ZEB1: variants seen among roughly 807,000 people sequenced by gnomAD.
ZEB1 encodes zinc finger E-box binding homeobox 1, also known as zinc finger E-box-binding homeobox 1.
A neutral mutation model predicts 84.9 loss-of-function variants in ZEB1; 21 were observed. That is an observed-to-expected ratio of 0.25 (90% CI 0.18 to 0.36). The LOEUF (loss-of-function observed/expected upper bound fraction) is 0.36, where lower values mean the gene tolerates loss of function less well. Ranked by LOEUF, ZEB1 falls within the 10% of genes least tolerant of loss-of-function variation. ZEB1 has a pLI of 1.00. For synonymous variants in ZEB1, 420 were observed against 471.1 expected (o/e 0.89, Z 1.41); for missense variants, 1,104 against 1,330.2 (o/e 0.83, Z 2.65).
intron 1 of ZEB1, chr10:31,321,045 C>G (rs1394512058): frequency 1.4e-6 from 1 of 698,092 alleles, no homozygotes; most frequent in Non-Finnish European, 1.8e-6. Flanking sequence ...TATAATGGGA[C>G]CGCTGCAGCG....
chr10:31,516,847 C>T (rs1271742485), intron 6 of ZEB1, among the ~76,000 whole-genome samples: 1 of 152,012 alleles, frequency 6.6e-6, no homozygotes, highest in Non-Finnish European at 1.5e-5. Flanking sequence ...ACACAGCTCT[C>T]TGATGGTCTG....
rs534014107 is a variant in ZEB1 at position 31,496,185 on chromosome 10, C to T, written c.322+347C>T. On this transcript the variant is annotated intron_variant, in intron 3 of 8. Transcript: ENST00000424869. Reference sequence around the variant, plus strand: ...AAATGCAGATCTAACTTTTGAGTTTCGTTATTAGTTACCTGGGTCTGCTTT... The same window carrying T: ...AAATGCAGATCTAACTTTTGAGTTTTGTTATTAGTTACCTGGGTCTGCTTT... 3.3e-5 allele frequency among the ~76,000 whole-genome samples: 5 copies of T among 151,982 alleles called. No homozygotes were observed. In the South Asian group the frequency reaches 6.2e-4, roughly 19 times the overall value.
rs114895469 is a variant in ZEB1 at position 31,390,973 on chromosome 10, G to A, written c.59-70064G>A. Among the ~76,000 whole-genome samples, 989 of 152,180 alleles carry A rather than the reference G, an allele frequency of 6.5e-3. 17 individuals are homozygous for A. The highest frequency in any genetic ancestry group is 0.023 in the African/African-American group (946 of 41,524). On this transcript the variant is annotated intron_variant, in intron 1 of 8. Coordinates refer to ENST00000424869, the MANE Select transcript of ZEB1 (RefSeq NM_001174096.2). Reference sequence around the variant, plus strand: ...TGCTATAGAAGAGACTGTTTGTCTCGAAAGACAGTCATTGCACCACCTCTC... The same window carrying A: ...TGCTATAGAAGAGACTGTTTGTCTCAAAAGACAGTCATTGCACCACCTCTC...
At chr10:31,342,345 G>A (rs2039536084) in intron 1 of ZEB1, among the ~76,000 whole-genome samples, 1 of 152,144 alleles carries the variant, frequency 6.6e-6, no homozygotes, top group Non-Finnish European at 1.5e-5. Context: ...GGAGCTGATG[G>A]AAAATAGAGA....
In ZEB1 at chr10:31,477,642, G is replaced by A. The variant is rs965397236; in HGVS notation, c.259+16405G>A. 3.3e-5 allele frequency among the ~76,000 whole-genome samples: 5 copies of A among 151,690 alleles called. No homozygotes were observed. The South Asian group carries it at 8.3e-4, about 25-fold the overall frequency. On this transcript the variant is annotated intron_variant, in intron 2 of 8. Transcript: ENST00000424869. Reference sequence around the variant, plus strand: ...GGCTGAACAGCATGTTACTGATATCGTGATACCATGATAAAGATGGACACA... The same window carrying A: ...GGCTGAACAGCATGTTACTGATATCATGATACCATGATAAAGATGGACACA...
At position 31,512,682 on chromosome 10, in the gene ZEB1, G is replaced by A. The variant is rs180884462; in HGVS notation, c.687+1807G>A. Among the ~76,000 whole-genome samples, 4 of 152,126 alleles carry A rather than the reference G, an allele frequency of 2.6e-5. No homozygotes were observed. In the East Asian group the frequency reaches 7.7e-4, roughly 29 times the overall value. The stretch of plus-strand genomic sequence containing the variant: ...TCAAAAAGGAAGTCCCTGATATTAG[G>A]GACCATACATTAGTAGATTATATAA... On this transcript the variant is annotated intron_variant, in intron 5 of 8. Transcript: ENST00000424869.
intron 2 of ZEB1, among the ~76,000 whole-genome samples, chr10:31,471,968 A>G (rs1478102577): frequency 7.3e-6 from 1 of 136,388 alleles, no homozygotes; most frequent in Non-Finnish European, 1.5e-5. Context: ...ACTACTGGGT[A>G]CCTAACGAAA....
chr10:31,323,658 T>C (rs1464934204), intron 1 of ZEB1, among the ~76,000 whole-genome samples: 1 of 152,108 alleles, frequency 6.6e-6, no homozygotes, highest in East Asian at 1.9e-4. Context: ...TGTATGCTTG[T>C]ATTTAAATAA....
At chr10:31,348,875 A>G (rs866806397) in intron 1 of ZEB1, among the ~76,000 whole-genome samples, 1 of 152,206 alleles carries the variant, frequency 6.6e-6, no homozygotes, top group Non-Finnish European at 1.5e-5. Flanking sequence ...ATATGTACAC[A>G]TTGTGGAATG....
In ZEB1 at chr10:31,521,897, A is replaced by G. The variant is rs755654045; in HGVS notation, c.2565A>G (p.Gln855=). 6.2e-7 allele frequency: 1 copy of G among 1,614,106 alleles called. No individual in the cohort carries two copies. Among genetic ancestry groups the G allele is most frequent in the Non-Finnish European group, 8.5e-7 (1 of 1,179,986 alleles). The change falls in exon 7 of 9, where the codon CAA becomes CAG. Residue 855 remains glutamine (Q), a synonymous_variant. Coordinates refer to ENST00000424869, the MANE Select transcript of ZEB1 (RefSeq NM_001174096.2). ...CAACTACGGTCAGCCCTGCAGTCCA[A>G]GAACCACCCTTGAAAGTGATCCAGC... ...TYSTTVSPAV[Q]EPPLKVIQPN... is the part of the protein sequence containing the mutation.
chr10:31,372,567 G>A (rs1395803682), intron 1 of ZEB1, among the ~76,000 whole-genome samples: 1 of 152,002 alleles, frequency 6.6e-6, no homozygotes, highest in African/African-American at 2.4e-5. Context: ...ATCATGATCA[G>A]GCAGGATTAC....
chr10:31,331,971 T>C (rs1362333219), intron 1 of ZEB1, among the ~76,000 whole-genome samples: 2 of 152,228 alleles, frequency 1.3e-5, no homozygotes, highest in African/African-American at 4.8e-5. Flanking sequence ...ATTACATTTA[T>C]ATACAGTAAT....
chr10:31,454,489 G>T (rs930046520), intron 1 of ZEB1, among the ~76,000 whole-genome samples: 5 of 152,168 alleles, frequency 3.3e-5, no homozygotes, highest in African/African-American at 4.8e-5. Flanking sequence ...GTCTCTGTTT[G>T]CAGATGACAT....
intron 1 of ZEB1, among the ~76,000 whole-genome samples, chr10:31,449,118 C>T (rs578172876): frequency 2.0e-4 from 30 of 152,322 alleles, no homozygotes; most frequent in African/African-American, 6.3e-4. Context: ...TCTCATGGTG[C>T]GCCATTTTTT....
At chr10:31,333,367 T>C (rs1287894011) in intron 1 of ZEB1, among the ~76,000 whole-genome samples, 1 of 151,994 alleles carries the variant, frequency 6.6e-6, no homozygotes, top group Non-Finnish European at 1.5e-5. Flanking sequence ...TTCTCACAGA[T>C]AAGGAAAATA....
intron 2 of ZEB1, 80 bp downstream of exon 2, chr10:31,461,317 G>A (rs2061788697): frequency 4.9e-6 from 7 of 1,427,326 alleles, no homozygotes; most frequent in Non-Finnish European, 6.7e-6. Context: ...AGATAAATTG[G>A]ATGAAAAGTT....
At chr10:31,396,440 G>A (rs992525125) in intron 1 of ZEB1, among the ~76,000 whole-genome samples, 1 of 152,166 alleles carries the variant, frequency 6.6e-6, no homozygotes, top group African/African-American at 2.4e-5. Context: ...AGAAATGATG[G>A]AAGTGGTAGA....
At chr10:31,502,615 C>A in intron 4 of ZEB1, 106 bp downstream of exon 4, 1 of 1,410,454 alleles carries the variant, frequency 7.1e-7, no homozygotes. Context: ...TCTTGAAGAC[C>A]AAACTTTATT....
chr10:31,447,635 G>T (rs1251284439), intron 1 of ZEB1, among the ~76,000 whole-genome samples: 1 of 143,660 alleles, frequency 7.0e-6, no homozygotes, highest in Non-Finnish European at 1.5e-5. Context: ...CTCAGCATTT[G>T]CTTGTGTGTA....
Sources: gnomAD v4.1 joint callset for allele counts (sites outside exome capture counted in the v4.1 genomes callset) on GRCh38, gnomAD v4.1.1 for gene constraint, MANE v1.5 for transcripts, NCBI Gene and HGNC (gene_info 2026-07-23, HGNC 2026-07-21) for gene names.